The following ATP1B3 variants were observed in gnomAD, a reference collection of about 807,000 sequenced individuals.
ATP1B3 encodes ATPase Na+/K+ transporting subunit beta 3.
A neutral mutation model predicts 30.2 loss-of-function variants in ATP1B3; 10 were observed. That is an observed-to-expected ratio of 0.33 (90% CI 0.20 to 0.56). The LOEUF is 0.56. Ranked by LOEUF, ATP1B3 falls within the 20% of genes least tolerant of loss-of-function variation. The probability of loss-of-function intolerance (pLI) is 0.90; values close to 1 mark genes in which losing one functional copy is unlikely to be tolerated. For synonymous variants in ATP1B3, 113 were observed against 117.0 expected (o/e 0.97, Z 0.22); for missense variants, 238 against 336.7 (o/e 0.71, Z 2.29).
chr3:141,903,692 T>C lies in ATP1B3; in HGVS notation c.182T>C (p.Met61Thr). The change falls in exon 2 of 7, where the codon ATG (methionine) becomes ACG (threonine). Residue 61 changes from methionine (M) to threonine (T), a missense_variant. Met to Thr is a moderately conservative substitution (Grantham distance 81). Transcript: ENST00000286371. Reference sequence around the variant, plus strand: ...CTCTTCTCATTCACGATGTGGGTTATGCTTCAGACTCTCAACGATGAGGTT... The same window carrying C: ...CTCTTCTCATTCACGATGTGGGTTACGCTTCAGACTCTCAACGATGAGGTT... ...AALFSFTMWVMLQTLNDEVPK... is the reference protein window; with the variant it reads ...AALFSFTMWVTLQTLNDEVPK... 2 of 1,614,192 alleles carry C rather than the reference T, an allele frequency of 1.2e-6. No individual in the cohort carries two copies. Among genetic ancestry groups the C allele is most frequent in the East Asian group, 4.5e-5 (2 of 44,888 alleles).
chr3:141,883,029 T>A lies in ATP1B3; in HGVS notation c.109+6119T>A, dbSNP rs140462116. Among the ~76,000 whole-genome samples, 181 of 152,352 alleles carry A rather than the reference T, an allele frequency of 1.2e-3. 2 individuals carry two copies. The highest frequency in any genetic ancestry group is 4.3e-3 in the African/African-American group (179 of 41,582). On this transcript the variant is annotated intron_variant, in intron 1 of 6. Coordinates refer to ENST00000286371, the MANE Select transcript of ATP1B3 (RefSeq NM_001679.4). Reference sequence around the variant, plus strand: ...ACAAACTCTTTAAAATCTCAGTGGCTTACTTCTCTCCTGTCATCTCTCTCT... The same window carrying A: ...ACAAACTCTTTAAAATCTCAGTGGCATACTTCTCTCCTGTCATCTCTCTCT...
At chr3:141,895,041 ATTG>A (rs1399786865) in intron 1 of ATP1B3, among the ~76,000 whole-genome samples, 1 of 151,790 alleles carries the variant, frequency 6.6e-6, no homozygotes, top group Non-Finnish European at 1.5e-5. Flanking sequence ...TAATGGGACT[ATTG>A]TTGTGTATGC....
chr3:141,887,355 A>G (rs186545905), intron 1 of ATP1B3, among the ~76,000 whole-genome samples: 100 of 152,322 alleles, frequency 6.6e-4, no homozygotes, highest in African/African-American at 2.4e-3. Context: ...TTTTCTTATA[A>G]CAAAAGTAAC....
At chr3:141,910,960 T>G (rs1934348792) in intron 3 of ATP1B3, among the ~76,000 whole-genome samples, 1 of 152,090 alleles carries the variant, frequency 6.6e-6, no homozygotes, top group Non-Finnish European at 1.5e-5. Context: ...AGAACTCAGT[T>G]CTTTGTAATT....
intron 5 of ATP1B3, among the ~76,000 whole-genome samples, chr3:141,919,327 G>A (rs1576401095): frequency 6.6e-6 from 1 of 150,922 alleles, no homozygotes; most frequent in Non-Finnish European, 1.5e-5. Context: ...CATGTTGCCA[G>A]GCTGGTCTTA....
At chr3:141,913,867 T>A in intron 4 of ATP1B3, 31 bp downstream of exon 4, 1 of 1,556,816 alleles carries the variant, frequency 6.4e-7, no homozygotes, top group Non-Finnish European at 8.7e-7. Flanking sequence ...TGCTGCTGCT[T>A]TTTTCTAATA....
rs1205367282 is a variant in ATP1B3 at position 141,889,747 on chromosome 3, A to G, written c.109+12837A>G. Reference sequence around the variant, plus strand: ...CCGTCTCAAAAAAAAAAAAAAAAAAAAAAATATATACACACACACACACAC... The same window carrying G: ...CCGTCTCAAAAAAAAAAAAAAAAAAGAAAATATATACACACACACACACAC... On this transcript the variant is annotated intron_variant, in intron 1 of 6. Coordinates refer to ENST00000286371, the MANE Select transcript of ATP1B3 (RefSeq NM_001679.4). Among the ~76,000 whole-genome samples, 58 of 78,508 alleles carry G rather than the reference A, an allele frequency of 7.4e-4. 2 individuals carry two copies. The highest frequency in any genetic ancestry group is 3.2e-3 in the African/African-American group (56 of 17,360). The allele number at this position is 78,508 out of a possible 152,430, so 51.5% of individuals were successfully genotyped here.
intron 1 of ATP1B3, among the ~76,000 whole-genome samples, chr3:141,895,813 A>T (rs1266108748): frequency 6.6e-6 from 1 of 152,212 alleles, no homozygotes; most frequent in East Asian, 1.9e-4. Context: ...AAAAACAACA[A>T]CAGCAACAAA....
chr3:141,913,680 C>T lies in ATP1B3; in HGVS notation c.375C>T (p.Leu125=). The T allele has an allele frequency of 6.2e-7, 1 of 1,612,524 alleles. No homozygotes were observed. The highest frequency in any genetic ancestry group is 8.5e-7 in the Non-Finnish European group (1 of 1,179,700). The change falls in exon 4 of 7, where the codon CTC becomes CTT. Residue 125 remains leucine, a synonymous_variant. Coordinates refer to ENST00000286371, the MANE Select transcript of ATP1B3 (RefSeq NM_001679.4). The part of the protein sequence containing the change: ...KPYTLEEQKN[L]TVCPDGALFE... ...ATACTTTAGAAGAACAGAAGAACCT[C>T]ACAGTCTGTCCTGATGGAGCACTTT...
intron 3 of ATP1B3, among the ~76,000 whole-genome samples, chr3:141,910,879 G>A (rs1444464292): frequency 6.6e-6 from 1 of 150,964 alleles, no homozygotes. Flanking sequence ...CACCTGAAAT[G>A]TAAATTTGAA....
At chr3:141,883,462 GA>G (rs1427705224) in intron 1 of ATP1B3, among the ~76,000 whole-genome samples, 19 of 152,270 alleles carry the variant, frequency 1.2e-4, no homozygotes, top group Middle Eastern at 3.4e-3. Context: ...AGGCTACAAT[GA>G]GCTGTAATTG....
intron 1 of ATP1B3, among the ~76,000 whole-genome samples, chr3:141,893,431 A>G (rs1039596830): frequency 6.6e-6 from 1 of 151,740 alleles, no homozygotes; most frequent in African/African-American, 2.4e-5. Flanking sequence ...TTCTTGCCCC[A>G]CCCTCTTTTC....
chr3:141,876,685 C>G lies in ATP1B3; in HGVS notation c.-117C>G, dbSNP rs11539489. Reference sequence around the variant, plus strand: ...CCCGTAACGAGGAGGTGTTCTCGGCCGTCCCACCCTTCACTGCCGTCTCCG... The same window carrying G: ...CCCGTAACGAGGAGGTGTTCTCGGCGGTCCCACCCTTCACTGCCGTCTCCG... On this transcript the variant is annotated 5_prime_UTR_variant, in exon 1 of 7. Transcript: ENST00000286371. 0.11 allele frequency: 74,201 copies of G among 678,818 alleles called. 4,571 individuals are homozygous for G. The highest frequency in any genetic ancestry group is 0.17 in the East Asian group (4,912 of 28,610). The allele number at this position is 678,818 out of a possible 1,614,324, so 42.0% of individuals were successfully genotyped here.
intron 1 of ATP1B3, among the ~76,000 whole-genome samples, chr3:141,880,825 A>G (rs1336461093): frequency 1.3e-5 from 2 of 152,156 alleles, no homozygotes; most frequent in African/African-American, 4.8e-5. Context: ...AATTAAACCT[A>G]TGGGTCATCT....
intron 1 of ATP1B3, among the ~76,000 whole-genome samples, chr3:141,894,525 T>C (rs758029482): frequency 6.6e-6 from 1 of 152,198 alleles, no homozygotes; most frequent in African/African-American, 2.4e-5. Context: ...CATAAAAATA[T>C]TTTCTTTATA....
At chr3:141,909,994 A>G (rs1029850202) in intron 3 of ATP1B3, among the ~76,000 whole-genome samples, 6 of 152,028 alleles carry the variant, frequency 3.9e-5, no homozygotes, top group Admixed American at 2.6e-4. Context: ...TCCTTTGTCT[A>G]TTTGTCTGAG....
At chr3:141,916,941 A>G (rs1934474955) in intron 5 of ATP1B3, among the ~76,000 whole-genome samples, 2 of 151,570 alleles carry the variant, frequency 1.3e-5, no homozygotes, top group Admixed American at 1.3e-4. Context: ...TCTCACTGCA[A>G]GCTCCGCCTC....
chr3:141,888,944 T>C (rs529741491), intron 1 of ATP1B3, among the ~76,000 whole-genome samples: 1 of 152,264 alleles, frequency 6.6e-6, no homozygotes, highest in African/African-American at 2.4e-5. Flanking sequence ...GATAAGTCTT[T>C]ATTAGCAGCA....
intron 3 of ATP1B3, among the ~76,000 whole-genome samples, chr3:141,911,572 G>C (rs1242076384): frequency 6.7e-6 from 1 of 148,500 alleles, no homozygotes; most frequent in Non-Finnish European, 1.5e-5. Context: ...TCAGCTCACT[G>C]CAACCACCGC....
Sources: allele counts gnomAD v4.1 joint callset (sites outside exome capture counted in the v4.1 genomes callset), GRCh38; gene constraint gnomAD v4.1.1; transcripts MANE v1.5; gene names NCBI Gene and HGNC (gene_info 2026-07-23, HGNC 2026-07-21).